TOP1MT: variants seen among roughly 807,000 people sequenced by gnomAD.
TOP1MT encodes the protein DNA topoisomerase I mitochondrial.
TOP1MT carries 80 observed loss-of-function variants against 73.9 expected under a neutral mutation model. That is an observed-to-expected ratio of 1.08 (90% CI 0.90 to 1.30). The LOEUF is 1.30. Ranked by LOEUF, TOP1MT falls within the 50% of genes most tolerant of loss-of-function variation. TOP1MT has a pLI of 0.00. For synonymous variants in TOP1MT, 338 were observed against 326.4 expected, an observed-to-expected ratio of 1.04 and a Z score of -0.38; for missense variants, 815 against 808.0, an observed-to-expected ratio of 1.01 and a Z score of -0.10.
At chr8:143,359,430 C>T, upstream of TOP1MT, 1 of 985,258 alleles carries the variant, frequency 1.0e-6, no homozygotes, top group Non-Finnish European at 1.2e-6. Flanking sequence ...GAGCGGAATC[C>T]CATCAGCGAC....
upstream of TOP1MT, among the ~76,000 whole-genome samples, chr8:143,346,641 G>A (rs1289377885): frequency 6.6e-6 from 1 of 152,046 alleles, no homozygotes; most frequent in African/African-American, 2.4e-5. Context: ...AGAAGGAAGG[G>A]GGATGTATTT....
chr8:143,323,932 T>C, intron 7 of TOP1MT, 67 bp downstream of exon 7: 1 of 1,588,938 alleles, frequency 6.3e-7, no homozygotes, highest in East Asian at 2.2e-5. Flanking sequence ...CACTGCACCA[T>C]CCAACTGGGA....
chr8:143,312,799 A>AG (rs1361445834), intron 12 of TOP1MT, among the ~76,000 whole-genome samples: 5 of 152,386 alleles, frequency 3.3e-5, no homozygotes, highest in Non-Finnish European at 2.9e-5. Context: ...TTATAGATAC[A>AG]GTCCTAAGGG....
chr8:143,327,556 G>T (rs1319137885), intron 3 of TOP1MT: 1 of 182,346 alleles, frequency 5.5e-6, no homozygotes, highest in African/African-American at 2.4e-5. Flanking sequence ...GCCCTGCTCG[G>T]CCACAACCAC....
rs1816704682 is a variant in TOP1MT, at chr8:143,326,270, A to G, written c.435T>C (p.Phe145=). The G allele has an allele frequency of 1.2e-6, 2 of 1,613,994 alleles. No homozygotes were observed. The highest frequency in any genetic ancestry group is 1.3e-5 in the African/African-American group (1 of 75,036). ...CTTTCCGGGCTGCGGCCTTGTCCAC[A>G]AAGTATCTGTGGATCTCCGTGAAGT... ...KCDFTEIHRY[F]VDKAAARKVL... is the part of the protein sequence containing the mutation. Residue 145 remains phenylalanine, a synonymous_variant, in exon 4 of 14, where the codon TTT becomes TTC. Transcript: ENST00000329245.
chr8:143,321,411 T>G, intron 7 of TOP1MT, 25 bp from the exon 8 acceptor site: 2 of 1,552,766 alleles, frequency 1.3e-6, no homozygotes, highest in Non-Finnish European at 8.7e-7. Context: ...ATGGTCAAAG[T>G]GGGTGGTGCG....
chr8:143,348,606 T>TGGGG (rs71516023), upstream of TOP1MT, among the ~76,000 whole-genome samples: 14 of 127,740 alleles, frequency 1.1e-4, no homozygotes, highest in African/African-American at 4.0e-4. This position sits in a 1 kb window ranked among gnomAD's most constrained non-coding sequence, Gnocchi z 4.6. Flanking sequence ...AGCTGGGGGG[T>TGGGG]GGGGGGGGGT....
At chr8:143,354,645 GA>G (rs1038251585) in intron 1 of TOP1MT, among the ~76,000 whole-genome samples, 4 of 152,086 alleles carry the variant, frequency 2.6e-5, no homozygotes, top group African/African-American at 9.7e-5. Context: ...CTGGGAGGCG[GA>G]GGTTGCGGTG....
intron 4 of TOP1MT, among the ~76,000 whole-genome samples, chr8:143,326,004 G>A (rs141643034): frequency 2.6e-5 from 4 of 152,320 alleles, no homozygotes; most frequent in African/African-American, 4.8e-5. Context: ...ATCAATGATG[G>A]TAAATTATCC....
intron 1 of TOP1MT, among the ~76,000 whole-genome samples, chr8:143,353,963 C>CAAAAAAAAAAA (rs1186472770): frequency 2.1e-5 from 1 of 47,606 alleles, no homozygotes; most frequent in African/African-American, 1.1e-4. Flanking sequence ...GACTCCATCC[C>CAAAAAAAAAAA]AAAAAAAAAA....
Position 143,317,724 on chromosome 8 carries a change from G to A in TOP1MT, c.1329C>T (p.Arg443=), listed in dbSNP as rs138330144. 2.8e-4 allele frequency: 451 copies of A among 1,612,958 alleles called. 2 individuals are homozygous for A. The highest frequency in any genetic ancestry group is 6.3e-4 in the South Asian group (57 of 91,058). ...TLQEQLRALT[R]AEDSIAAKIL... The stretch of plus-strand genomic sequence containing the variant: ...AGTGTGGGTGTGGGGCAGGCTCACC[G>A]CGCGTCAGGGCCCGCAGCTGCTCCT... Residue 443 remains arginine (R), a splice_region_variant and synonymous_variant, in exon 10 of 14, where the codon CGC becomes CGT. Transcript: ENST00000329245.
chr8:143,315,967 G>T lies in TOP1MT; in HGVS notation c.1458+32C>A, dbSNP rs755452639. On this transcript the variant is annotated intron_variant, in intron 11 of 13. Transcript: ENST00000329245. ...GGGGAGGGGGAGGGGTCCCTTGAGG[G>T]CTGGGCTGGGGGCTCTCCTGGGAGC... is the stretch of plus-strand genomic sequence containing the variant. The T allele has an allele frequency of 2.5e-6, 4 of 1,613,916 alleles. No individual in the cohort carries two copies. The South Asian group carries it at 4.4e-5, about 18-fold the overall frequency.
rs771336624 is a variant in TOP1MT, at chr8:143,321,239, A to G, written c.1108T>C (p.Cys370Arg). 47 of 1,611,578 alleles carry G rather than the reference A, an allele frequency of 2.9e-5. No homozygotes were observed. The highest frequency in any genetic ancestry group is 3.7e-5 in the Non-Finnish European group (44 of 1,178,852). ...VVEFDFLGKDCIRYYNRVPVE... is the reference protein window; with the variant it reads ...VVEFDFLGKDRIRYYNRVPVE... Reference sequence around the variant, plus strand: ...GGCACTCTGTTGTAGTAGCGGATGCAGTCCTTCCCCAGGAAGTCAAATTCC... The same window carrying G: ...GGCACTCTGTTGTAGTAGCGGATGCGGTCCTTCCCCAGGAAGTCAAATTCC... Residue 370 changes from cysteine (C) to arginine (R), a missense_variant, in exon 8 of 14, where the codon TGC becomes CGC. By Grantham distance (180) the Cys-to-Arg change is radical. This residue lies in a region of TOP1MT where 751 missense variants were observed against 725.4 expected (regional missense o/e 1.04). Transcript: ENST00000329245.
chr8:143,327,091 A>G (rs1337460393), intron 3 of TOP1MT, among the ~76,000 whole-genome samples: 1 of 152,202 alleles, frequency 6.6e-6, no homozygotes, highest in African/African-American at 2.4e-5. Flanking sequence ...ATCAGCTCCT[A>G]AAGGCCCTCC....
chr8:143,309,938 C>T (rs1314276064), intron 13 of TOP1MT, 130 bp downstream of exon 13: 2 of 1,596,058 alleles, frequency 1.3e-6, no homozygotes, highest in Admixed American at 3.4e-5. Context: ...GGGTCCCTGT[C>T]ACAGGGAGGG....
intron 1 of TOP1MT, chr8:143,343,815 T>C (rs2130426654): frequency 6.5e-6 from 1 of 155,026 alleles, no homozygotes; most frequent in Admixed American, 6.3e-5. Context: ...GCGCCATCCC[T>C]GGGAACCCCG....
upstream of TOP1MT, chr8:143,359,287 C>T: frequency 1.1e-5 from 11 of 985,156 alleles, no homozygotes; most frequent in Non-Finnish European, 1.2e-5. Flanking sequence ...AGGTGGCTGC[C>T]AGCAAAGCGA....
chr8:143,331,347 C>T lies in TOP1MT; in HGVS notation c.123-8G>A, dbSNP rs551671932. ...TGCTTCTCCTTCTCCCACCTAAAGA[C>T]GGAGACAGGACGTGTCACTCTCCTG... is the stretch of plus-strand genomic sequence containing the variant. On this transcript the variant is annotated splice_region_variant and splice_polypyrimidine_tract_variant and intron_variant, in intron 1 of 13. Transcript: ENST00000329245. 110 of 1,607,566 alleles carry T rather than the reference C, an allele frequency of 6.8e-5. 1 individual carries two copies. The highest frequency in any genetic ancestry group is 3.6e-4 in the South Asian group (33 of 90,598).
intron 3 of TOP1MT, 127 bp downstream of exon 3, chr8:143,329,223 C>A: frequency 1.9e-6 from 2 of 1,060,822 alleles, no homozygotes; most frequent in Non-Finnish European, 2.7e-6. Context: ...GCCATGACGG[C>A]ACCTGTGAGT....
Sources: allele counts gnomAD v4.1 joint callset (sites outside exome capture counted in the v4.1 genomes callset), GRCh38; gene constraint gnomAD v4.1.1; regional missense constraint gnomAD v4.1.1; non-coding constraint Gnocchi (gnomAD v3.1); transcripts MANE v1.5; gene names NCBI Gene and HGNC (gene_info 2026-07-23, HGNC 2026-07-21).